The following RAB4B variants were observed in gnomAD, a reference collection of about 807,000 sequenced individuals.
The protein encoded by RAB4B is ras-related protein Rab-4B.
Under a neutral mutation model 28.3 loss-of-function variants are expected in RAB4B, and 15 were observed. The observed-to-expected ratio is 0.53, with a 90% confidence interval of 0.35 to 0.82. The LOEUF is 0.82. RAB4B is among the 40% of genes least tolerant of loss of function. RAB4B has a pLI of 0.01. For synonymous variants in RAB4B, 108 were observed against 116.3 expected (o/e 0.93, Z 0.46); for missense variants, 244 against 288.5 (o/e 0.85, Z 1.12).
chr19:40,779,706 G>A lies in RAB4B; in HGVS notation c.17-313G>A, dbSNP rs921595585. ...TGCGGTGAGCCGAGATCGCGCCATT[G>A]CACTCCAGCCTGGGCAACGAAAAGT... On this transcript the variant is annotated intron_variant, in intron 1 of 7. Transcript: ENST00000357052. 21 of 358,716 alleles carry A rather than the reference G, an allele frequency of 5.9e-5. No individual in the cohort carries two copies. In the East Asian group the frequency reaches 1.6e-3, roughly 27 times the overall value. The allele number at this position is 358,716 out of a possible 1,614,324, so 22.2% of individuals were successfully genotyped here.
At chr19:40,783,120 C>A (rs1417366945) in intron 3 of RAB4B, among the ~76,000 whole-genome samples, 1 of 126,894 alleles carries the variant, frequency 7.9e-6, no homozygotes, top group Non-Finnish European at 1.6e-5. Flanking sequence ...GCACCCCAGC[C>A]TGGGAGACAA....
rs1206266627 is a variant in RAB4B at position 40,788,648 on chromosome 19, G to A, written c.*15+1670G>A. Among the ~76,000 whole-genome samples, 6 of 150,786 alleles carry A rather than the reference G, an allele frequency of 4.0e-5. No homozygotes were observed. In the East Asian group the frequency reaches 9.7e-4, roughly 24 times the overall value. ...GTTACCCAGGATGGAGTGCTGTGGCGTGATCTCGGCTCACTGAAACCTCCG... is the reference window on the plus strand; with the variant it reads ...GTTACCCAGGATGGAGTGCTGTGGCATGATCTCGGCTCACTGAAACCTCCG... On this transcript the variant is annotated intron_variant, in intron 7 of 7. Coordinates refer to ENST00000357052, the MANE Select transcript of RAB4B (RefSeq NM_016154.5).
intron 7 of RAB4B, 71 bp downstream of exon 7, chr19:40,787,049 A>C: frequency 2.4e-6 from 3 of 1,259,624 alleles, no homozygotes; most frequent in Non-Finnish European, 3.4e-6. Flanking sequence ...GGAGATAGAC[A>C]CTGAACATGT....
chr19:40,781,241 C>T (rs1032565359), intron 3 of RAB4B, among the ~76,000 whole-genome samples: 4 of 149,952 alleles, frequency 2.7e-5, no homozygotes, highest in African/African-American at 4.9e-5. Context: ...GAGTCAAGAT[C>T]GCACCACTGC....
At chr19:40,795,484 C>CA (rs2083201200) in intron 7 of RAB4B, among the ~76,000 whole-genome samples, 1 of 151,846 alleles carries the variant, frequency 6.6e-6, no homozygotes, top group Non-Finnish European at 1.5e-5. Flanking sequence ...ACTGCAACCT[C>CA]CGCCTCCTGG....
intron 7 of RAB4B, 72 bp downstream of exon 7, chr19:40,787,050 C>A (rs2083106878): frequency 8.0e-7 from 1 of 1,255,252 alleles, no homozygotes; most frequent in Non-Finnish European, 1.1e-6. Flanking sequence ...GAGATAGACA[C>A]TGAACATGTG....
chr19:40,780,854 G>C (rs779581396), intron 3 of RAB4B, among the ~76,000 whole-genome samples: 1 of 151,862 alleles, frequency 6.6e-6, no homozygotes, highest in African/African-American at 2.4e-5. Context: ...AAGTGGCTTG[G>C]GGGTGGGGAA....
intron 7 of RAB4B, among the ~76,000 whole-genome samples, chr19:40,788,481 T>TAAA (rs751428239): frequency 1.5e-5 from 1 of 67,100 alleles, no homozygotes; most frequent in Non-Finnish European, 3.2e-5. Flanking sequence ...GCGAGACTCT[T>TAAA]AAAAAAAAAA....
chr19:40,784,343 AT>A (rs1214413318), intron 5 of RAB4B, among the ~76,000 whole-genome samples: 1 of 152,130 alleles, frequency 6.6e-6, no homozygotes, highest in Non-Finnish European at 1.5e-5. Flanking sequence ...AATTTAAAAA[AT>A]TAGCTGGGTG....
chr19:40,781,815 A>G (rs1299926027), intron 3 of RAB4B, among the ~76,000 whole-genome samples: 1 of 151,838 alleles, frequency 6.6e-6, no homozygotes, highest in Non-Finnish European at 1.5e-5. Context: ...AGGTCAGGAG[A>G]TCGAGACCAT....
At chr19:40,778,967 G>T (rs1872775201) in intron 1 of RAB4B, 1 of 985,808 alleles carries the variant, frequency 1.0e-6, no homozygotes, top group South Asian at 4.6e-5. Flanking sequence ...GTGATTGGAG[G>T]CAGGGGAAGT....
chr19:40,779,774 C>T (rs372291978), intron 1 of RAB4B: 7 of 967,610 alleles, frequency 7.2e-6, no homozygotes, highest in African/African-American at 5.1e-5. Flanking sequence ...CAAAAAAACC[C>T]CTGCACATGT....
Position 40,780,073 on chromosome 19 carries a change from T to C in RAB4B, c.71T>C (p.Leu24Pro). 1 of 1,611,970 alleles carries C rather than the reference T, an allele frequency of 6.2e-7. No individual in the cohort carries two copies. ...IGSAGTGKSC[L>P]LHQFIENKFK... is the part of the protein sequence containing the mutation. The stretch of plus-strand genomic sequence containing the variant: ...AGTGCAGGAACTGGCAAATCATGTC[T>C]CCTTCATCAGTTCATTGAGAATAAG... The change falls in exon 2 of 8, where the codon CTC becomes CCC. Residue 24 changes from leucine to proline, a missense_variant. By Grantham distance (98) the Leu-to-Pro change is moderately conservative. Coordinates refer to ENST00000357052, the MANE Select transcript of RAB4B (RefSeq NM_016154.5).
rs2083102291 is a variant in RAB4B at position 40,786,662 on chromosome 19, C to T, written c.431-3C>T. The stretch of plus-strand genomic sequence containing the variant: ...CCTGACCTCAGAGTGTGTGCCCCTG[C>T]AGAGCTGATGTTCCTGGAGACCAGC... On this transcript the variant is annotated splice_polypyrimidine_tract_variant and splice_region_variant and intron_variant, in intron 5 of 7. Coordinates refer to ENST00000357052, the MANE Select transcript of RAB4B (RefSeq NM_016154.5). 1.2e-6 allele frequency: 2 copies of T among 1,613,954 alleles called. No homozygotes were observed. Among genetic ancestry groups the T allele is most frequent in the Non-Finnish European group, 1.7e-6 (2 of 1,179,936 alleles).
In RAB4B at chr19:40,786,899, C is replaced by T. The variant is rs772732312; in HGVS notation, c.578C>T (p.Ser193Phe). ...TCTGGCATTCAGTACGGGGATGCGT[C>T]CCTCCGCCAGCTTCGGCAGCCTCGG... ...MGSGIQYGDA[S>F]LRQLRQPRSA... is the part of the protein sequence containing the mutation. The change falls in exon 7 of 8, where the codon TCC (serine) becomes TTC (phenylalanine). Residue 193 changes from serine to phenylalanine, a missense_variant. Coordinates refer to ENST00000357052, the MANE Select transcript of RAB4B (RefSeq NM_016154.5). 6.2e-7 allele frequency: 1 copy of T among 1,614,138 alleles called. No homozygotes were observed. The highest frequency in any genetic ancestry group is 2.2e-5 in the East Asian group (1 of 44,876).
At chr19:40,790,994 T>G (rs1450922629) in intron 7 of RAB4B, among the ~76,000 whole-genome samples, 3 of 151,936 alleles carry the variant, frequency 2.0e-5, no homozygotes, top group African/African-American at 7.3e-5. Context: ...TAGCTGGGAC[T>G]ACAGGTGCGT....
At chr19:40,779,838 A>G (rs1042340944) in intron 1 of RAB4B, 181 bp from the exon 2 acceptor site, 10 of 1,403,694 alleles carry the variant, frequency 7.1e-6, no homozygotes, top group Non-Finnish European at 8.4e-6. Context: ...TGTGCCTGGC[A>G]CATGGCAAGT....
Position 40,783,834 on chromosome 19 carries a change from T to C in RAB4B, c.269T>C (p.Ile90Thr). ...GAAGALLVYD[I>T]TSRETYNSLA... is the part of the protein sequence containing the mutation. Reference sequence around the variant, plus strand: ...GCTGGAGCCCTGCTGGTGTACGACATCACCAGGTGGGTGCCCGGGGTGGGT... The same window carrying C: ...GCTGGAGCCCTGCTGGTGTACGACACCACCAGGTGGGTGCCCGGGGTGGGT... Residue 90 changes from isoleucine (I) to threonine (T), a missense_variant, in exon 4 of 8, where the codon ATC (isoleucine) becomes ACC (threonine). By Grantham distance (89) the Ile-to-Thr change is moderately conservative. Transcript: ENST00000357052. The C allele has an allele frequency of 3.1e-6, 3 of 957,086 alleles. No individual in the cohort carries two copies. The highest frequency in any genetic ancestry group is 4.5e-6 in the Non-Finnish European group (3 of 660,044). The allele number at this position is 957,086 out of a possible 1,614,324, so 59.3% of individuals were successfully genotyped here. A position where few individuals can be genotyped will look rare whatever the true frequency, so the allele number is the denominator to read the frequency against.
intron 1 of RAB4B, chr19:40,778,948 T>C: frequency 1.0e-6 from 1 of 984,980 alleles, no homozygotes; most frequent in South Asian, 4.6e-5. Flanking sequence ...GGATGCACCA[T>C]AGGAGGTGGT....
Sources: allele counts gnomAD v4.1 joint callset (sites outside exome capture counted in the v4.1 genomes callset), GRCh38; gene constraint gnomAD v4.1.1; transcripts MANE v1.5; gene names NCBI Gene and HGNC (gene_info 2026-07-23, HGNC 2026-07-21).